Variants in BRSK2 observed in about 807,000 individuals in gnomAD.
BRSK2 encodes the protein serine/threonine-protein kinase BRSK2.
In BRSK2, 19 loss-of-function variants were observed where a neutral mutation model predicts 83.3. The observed-to-expected ratio is 0.23, with a 90% CI of 0.16 to 0.33. The LOEUF is 0.33. BRSK2 is among the 10% of genes least tolerant of loss of function. The pLI is 1.00. For missense variants in BRSK2, 798 were observed against 1,042.3 expected (o/e 0.77, Z 3.23); for synonymous variants, 519 against 435.4 (o/e 1.19, Z -2.39).
chr11:1,391,206 A>G (rs61867609), intron 1 of BRSK2, among the ~76,000 whole-genome samples: 5,861 of 152,230 alleles, frequency 0.039, 151 homozygotes, highest in South Asian at 0.069. Flanking sequence ...CTGGTCAGGC[A>G]CATTCACAGA....
intron 19 of BRSK2, 90 bp from the exon 20 acceptor site, chr11:1,460,409 TC>T: frequency 1.0e-6 from 1 of 973,440 alleles, no homozygotes; most frequent in Non-Finnish European, 1.4e-6. Context: ...TTGTTCTCTT[TC>T]TCTCTCCTTC....
chr11:1,462,241 TTC>T lies in BRSK2; in HGVS notation c.*1520_*1521del, dbSNP rs1847582393. 6.6e-6 allele frequency: 1 copy of T among 152,438 alleles called. No individual in the cohort carries two copies. Among genetic ancestry groups the T allele is most frequent in the Non-Finnish European group, 1.5e-5 (1 of 68,194 alleles). 9.4% of individuals were successfully genotyped at this position (152,438 alleles called of 1,614,324 possible). A position where few individuals can be genotyped will look rare whatever the true frequency, so the allele number is the denominator to read the frequency against. ...CGCCGTGCTTCACCCCAGCTCCAGC[TTC>T]TGTGTTCCCTTCCGCCCATGTGCCC... On this transcript the variant is annotated 3_prime_UTR_variant, in exon 20 of 20. Transcript: ENST00000528841.
At chr11:1,414,298 G>T (rs10466425) in intron 1 of BRSK2, among the ~76,000 whole-genome samples, 1 of 152,044 alleles carries the variant, frequency 6.6e-6, no homozygotes, top group East Asian at 1.9e-4. Context: ...GCCTGGAAAG[G>T]TGTCTCCATG....
intron 1 of BRSK2, among the ~76,000 whole-genome samples, chr11:1,426,240 C>CTGGGGATGTGTGTGGGG (rs1849200959): frequency 1.0e-5 from 1 of 95,238 alleles, no homozygotes. Flanking sequence ...GGGGCGTGCT[C>CTGGGGATGTGTGTGGGG]CGGGGATGTG....
intron 1 of BRSK2, chr11:1,411,285 G>C: frequency 2.3e-6 from 3 of 1,313,562 alleles, no homozygotes; most frequent in Non-Finnish European, 2.9e-6. Context: ...AAAGCAGCCA[G>C]TGCCCCGCCA....
intron 1 of BRSK2, among the ~76,000 whole-genome samples, chr11:1,397,668 G>T (rs997063787): frequency 4.6e-5 from 7 of 152,220 alleles, no homozygotes; most frequent in African/African-American, 1.7e-4. Context: ...GTTGGCATGT[G>T]TCTCTCTGGG....
chr11:1,428,344 A>C (rs1019820159), intron 1 of BRSK2, among the ~76,000 whole-genome samples: 2 of 152,232 alleles, frequency 1.3e-5, no homozygotes, highest in African/African-American at 4.8e-5. Flanking sequence ...GCCCACCCCC[A>C]GTGGCTCCAT....
intron 1 of BRSK2, among the ~76,000 whole-genome samples, chr11:1,395,763 A>G (rs1590294384): frequency 6.6e-6 from 1 of 152,268 alleles, no homozygotes; most frequent in South Asian, 2.1e-4. Flanking sequence ...AGGTGCGTGC[A>G]CGCCGTGGAT....
chr11:1,425,678 G>A (rs187964502), intron 1 of BRSK2, among the ~76,000 whole-genome samples: 10 of 152,204 alleles, frequency 6.6e-5, no homozygotes, highest in Non-Finnish European at 1.0e-4. Context: ...CCACACCCCC[G>A]CTCGTCTCCC....
chr11:1,412,944 G>A (rs535158427), intron 1 of BRSK2, among the ~76,000 whole-genome samples: 27 of 152,276 alleles, frequency 1.8e-4, no homozygotes, highest in Non-Finnish European at 2.8e-4. Context: ...CACCGTGCAC[G>A]CCCTTTCTGA....
intron 1 of BRSK2, among the ~76,000 whole-genome samples, chr11:1,392,863 C>T (rs559003954): frequency 1.2e-4 from 19 of 152,268 alleles, no homozygotes; most frequent in African/African-American, 4.1e-4. Flanking sequence ...CTGCATGGGG[C>T]GTCCTCTGCA....
At chr11:1,411,150 C>G in intron 1 of BRSK2, 1 of 1,223,012 alleles carries the variant, frequency 8.2e-7, no homozygotes. Flanking sequence ...GGTGGGGGCT[C>G]CAGTCTCAGG....
rs1405656182 is a variant in BRSK2 at position 1,445,285 on chromosome 11, T to C, written c.813-9T>C. On this transcript the variant is annotated splice_polypyrimidine_tract_variant and intron_variant, in intron 9 of 19. Coordinates refer to ENST00000528841, the MANE Select transcript of BRSK2 (RefSeq NM_001256627.2). ...GCTGATGAGCGGGTGGCCCGTCCTGTGTCCACAGAGGGGGCAAGAATGAGC... is the reference window on the plus strand; with the variant it reads ...GCTGATGAGCGGGTGGCCCGTCCTGCGTCCACAGAGGGGGCAAGAATGAGC... 6.2e-7 allele frequency: 1 copy of C among 1,601,066 alleles called. No homozygotes were observed. The highest frequency in any genetic ancestry group is 2.2e-5 in the East Asian group (1 of 44,520).
rs1011372609 is a variant in BRSK2, at chr11:1,436,098, C to G, written c.150C>G (p.Val50=). 73 of 1,600,416 alleles carry G rather than the reference C, an allele frequency of 4.6e-5. No individual in the cohort carries two copies. Among genetic ancestry groups the G allele is most frequent in the Non-Finnish European group, 6.1e-5 (72 of 1,174,792 alleles). The change falls in exon 2 of 20, where the codon GTC becomes GTG. Residue 50 remains valine (V), a synonymous_variant. Coordinates refer to ENST00000528841, the MANE Select transcript of BRSK2 (RefSeq NM_001256627.2). ...VTCQKVAIKI[V]NREKLSESVL... ...GCCAGAAGGTGGCCATCAAGATCGT[C>G]AACCGTGAGAAGCTCAGCGAGTCGG...
chr11:1,409,740 A>G (rs1350903485), intron 1 of BRSK2: 2 of 151,936 alleles, frequency 1.3e-5, no homozygotes, highest in African/African-American at 4.8e-5. Context: ...GCTGGCTGTC[A>G]CGTGTCAGTC....
chr11:1,429,203 G>T (rs1378307083), intron 1 of BRSK2, among the ~76,000 whole-genome samples: 1 of 150,730 alleles, frequency 6.6e-6, no homozygotes, highest in Non-Finnish European at 1.5e-5. Flanking sequence ...GCATGGGTGT[G>T]TGTGCACGCG....
chr11:1,456,119 G>T (rs1019811350), intron 16 of BRSK2, among the ~76,000 whole-genome samples: 2 of 152,146 alleles, frequency 1.3e-5, no homozygotes, highest in African/African-American at 4.8e-5. Context: ...CCCGGCAGGG[G>T]CTTAGCTGTG....
chr11:1,436,527 C>T (rs962216775), intron 2 of BRSK2, among the ~76,000 whole-genome samples: 3 of 152,188 alleles, frequency 2.0e-5, no homozygotes, highest in East Asian at 1.9e-4. Flanking sequence ...GCTGCACCTT[C>T]CTCTTCCACT....
chr11:1,444,878 T>A, intron 8 of BRSK2, 93 bp from the exon 9 acceptor site: 1 of 1,196,814 alleles, frequency 8.4e-7, no homozygotes, highest in Non-Finnish European at 1.2e-6. Flanking sequence ...GCTCTCTCCG[T>A]GCTCCCAGCG....
Sources: allele counts gnomAD v4.1 joint callset (sites outside exome capture counted in the v4.1 genomes callset), GRCh38; gene constraint gnomAD v4.1.1; transcripts MANE v1.5; gene names NCBI Gene and HGNC (gene_info 2026-07-23, HGNC 2026-07-21).